The following EXOC4 variants were observed in gnomAD, a reference collection of about 807,000 sequenced individuals.
The protein encoded by EXOC4 is exocyst complex component 4, also known as SEC8-like 1.
EXOC4 carries 71 observed loss-of-function variants against 107.2 expected under a neutral mutation model. The ratio of observed to expected loss-of-function variants is 0.66; its 90% CI spans 0.55 to 0.81. The LOEUF (loss-of-function observed/expected upper bound fraction) is 0.81, where lower values mean the gene tolerates loss of function less well. Among genes scored for constraint, EXOC4 ranks in the 30% least tolerant of loss-of-function variants. The probability of loss-of-function intolerance (pLI) is 0.00; values close to 1 mark genes in which losing one functional copy is unlikely to be tolerated. For synonymous variants in EXOC4, 456 were observed against 441.2 expected (o/e 1.03, Z -0.42); for missense variants, 1,108 against 1,189.6 (o/e 0.93, Z 1.01).
intron 1 of EXOC4, among the ~76,000 whole-genome samples, chr7:133,256,841 C>G (rs1054790069): frequency 1.4e-4 from 21 of 152,192 alleles, no homozygotes; most frequent in Admixed American, 1.3e-3. Flanking sequence ...TGGGGAATAT[C>G]CGAATCTCAT....
intron 17 of EXOC4, among the ~76,000 whole-genome samples, chr7:134,013,043 G>A (rs1248549934): frequency 6.6e-6 from 1 of 152,166 alleles, no homozygotes; most frequent in East Asian, 1.9e-4. Flanking sequence ...CTTACCTAAA[G>A]TAGGAATACG....
intron 9 of EXOC4, among the ~76,000 whole-genome samples, chr7:133,577,702 C>G (rs1801162432): frequency 6.6e-6 from 1 of 152,190 alleles, no homozygotes; most frequent in East Asian, 1.9e-4. Flanking sequence ...CAATTATGAT[C>G]AATGTTGTCA....
chr7:133,487,754 T>C (rs1395386476), intron 9 of EXOC4, among the ~76,000 whole-genome samples: 1 of 151,960 alleles, frequency 6.6e-6, no homozygotes. Context: ...GTGTAAAAAG[T>C]TTTTGTTTTC....
At chr7:133,807,960 G>C (rs1228044557) in intron 10 of EXOC4, among the ~76,000 whole-genome samples, 1 of 152,076 alleles carries the variant, frequency 6.6e-6, no homozygotes, top group Non-Finnish European at 1.5e-5. Context: ...TTATAAGCCT[G>C]CAGCGTCCAA....
chr7:133,360,905 ACAT>A (rs1032555230), intron 6 of EXOC4, among the ~76,000 whole-genome samples: 3 of 152,184 alleles, frequency 2.0e-5, no homozygotes, highest in Non-Finnish European at 2.9e-5. Flanking sequence ...AACCAACTTG[ACAT>A]CATTCATTAA....
chr7:133,347,837 T>A (rs1795821541), intron 5 of EXOC4, among the ~76,000 whole-genome samples: 1 of 152,196 alleles, frequency 6.6e-6, no homozygotes. Flanking sequence ...TTTTAATATT[T>A]AGCATTATCA....
In EXOC4 at chr7:133,359,486, TG is replaced by T. The variant is rs1336581857; in HGVS notation, c.1007+2914del. Among the ~76,000 whole-genome samples, 12 of 152,310 alleles carry T rather than the reference TG, an allele frequency of 7.9e-5. No individual in the cohort carries two copies. In the East Asian group the frequency reaches 1.4e-3, roughly 17 times the overall value. On this transcript the variant is annotated intron_variant, in intron 6 of 17. Transcript: ENST00000253861. ...AAGGAATTTTATGGCTAAAGATATA[TG>T]AATTTATTTTTTTAAAGAAAGTTGG...
At chr7:133,416,465 G>A (rs1383744767) in intron 7 of EXOC4, among the ~76,000 whole-genome samples, 1 of 152,182 alleles carries the variant, frequency 6.6e-6, no homozygotes, top group Non-Finnish European at 1.5e-5. Flanking sequence ...GATCCTTTGA[G>A]TAAGGAATAA....
At chr7:133,475,257 TA>T (rs1798983147) in intron 7 of EXOC4, 70 bp from the exon 8 acceptor site, 1 of 1,329,462 alleles carries the variant, frequency 7.5e-7, no homozygotes, top group Non-Finnish European at 1.1e-6. Flanking sequence ...TGCATGGTTT[TA>T]AAATAGTTTT....
At chr7:133,963,073 C>T (rs1476495893) in intron 14 of EXOC4, among the ~76,000 whole-genome samples, 6 of 152,214 alleles carry the variant, frequency 3.9e-5, no homozygotes, top group Non-Finnish European at 5.9e-5. Context: ...AGGAGTTGAT[C>T]CCGAGCAAAG....
intron 17 of EXOC4, among the ~76,000 whole-genome samples, chr7:134,042,898 G>A (rs1371408931): frequency 1.3e-5 from 2 of 152,176 alleles, no homozygotes; most frequent in Non-Finnish European, 2.9e-5. Flanking sequence ...TTAGCTGGCC[G>A]TGGTGGCGCA....
chr7:133,305,899 A>C lies in EXOC4; in HGVS notation c.494A>C (p.Glu165Ala), dbSNP rs769191878. The change falls in exon 4 of 18, where the codon GAG becomes GCG. Residue 165 changes from glutamate to alanine, a missense_variant. Glu to Ala is a moderately radical substitution (Grantham distance 107). Coordinates refer to ENST00000253861, the MANE Select transcript of EXOC4 (RefSeq NM_021807.4). ...CAGGTGTCAGCAGTTGAGTCTTTGG[A>C]GGGCCCCCTGCTCCAGGTGGAAGGA... is the stretch of plus-strand genomic sequence containing the variant. ...DMLVSAVESL[E>A]GPLLQVEGLS... The C allele has an allele frequency of 3.9e-5, 62 of 1,607,712 alleles. No individual in the cohort carries two copies. In the East Asian group the frequency reaches 1.1e-3, roughly 28 times the overall value.
chr7:133,634,773 T>G (rs955423116), intron 10 of EXOC4, among the ~76,000 whole-genome samples: 2 of 152,192 alleles, frequency 1.3e-5, no homozygotes, highest in African/African-American at 4.8e-5. Context: ...TGAGCCACTA[T>G]GCTCAGCCAA....
intron 14 of EXOC4, among the ~76,000 whole-genome samples, chr7:133,981,458 T>G (rs557258107): frequency 6.6e-6 from 1 of 152,202 alleles, no homozygotes; most frequent in South Asian, 2.1e-4. Flanking sequence ...TGAACAGATA[T>G]TTTTTTAAAG....
chr7:133,537,010 A>G (rs1800282856), intron 9 of EXOC4, among the ~76,000 whole-genome samples: 1 of 152,196 alleles, frequency 6.6e-6, no homozygotes, highest in Non-Finnish European at 1.5e-5. Context: ...TGTTTCAATT[A>G]TCTACATGCC....
At chr7:133,468,948 G>A (rs1262552930) in intron 7 of EXOC4, among the ~76,000 whole-genome samples, 1 of 151,974 alleles carries the variant, frequency 6.6e-6, no homozygotes, top group Non-Finnish European at 1.5e-5. Context: ...TTTAATATAG[G>A]CACATTTAAA....
intron 9 of EXOC4, among the ~76,000 whole-genome samples, chr7:133,592,122 C>T (rs1018109402): frequency 7.9e-5 from 12 of 152,096 alleles, no homozygotes; most frequent in African/African-American, 2.7e-4. Flanking sequence ...AGTGCAGTGA[C>T]ATGATCAGAG....
intron 10 of EXOC4, among the ~76,000 whole-genome samples, chr7:133,676,959 G>GTGTGTGTGTGTGTGTGTGTA (rs1554382531): frequency 4.7e-4 from 65 of 138,760 alleles, no homozygotes; most frequent in African/African-American, 9.3e-4. Context: ...GTGTGTGTAT[G>GTGTGTGTGTGTGTGTGTGTA]TGTGTGTGTG....
chr7:133,855,138 TATATAA>T (rs1431858616), intron 11 of EXOC4, among the ~76,000 whole-genome samples: 2 of 126,550 alleles, frequency 1.6e-5, no homozygotes, highest in African/African-American at 7.2e-5. Flanking sequence ...AATATATATA[TATATAA>T]ATATATATAT....
Sources: gnomAD v4.1 joint callset for allele counts (sites outside exome capture counted in the v4.1 genomes callset) on GRCh38, gnomAD v4.1.1 for gene constraint, MANE v1.5 for transcripts, NCBI Gene and HGNC (gene_info 2026-07-23, HGNC 2026-07-21) for gene names.